The following NINJ2 variants were observed in gnomAD, a reference collection of about 807,000 sequenced individuals.
NINJ2 encodes the protein ninjurin 2.
In NINJ2, 12 loss-of-function variants were observed where a neutral mutation model predicts 11.7. The ratio of observed to expected loss-of-function variants is 1.02; its 90% confidence interval spans 0.66 to 1.66. The LOEUF (loss-of-function observed/expected upper bound fraction) is 1.66, where lower values mean the gene tolerates loss of function less well. Among genes scored for constraint, NINJ2 ranks in the 40% most tolerant of loss-of-function variants. The pLI, the probability that NINJ2 is intolerant of heterozygous loss-of-function variation, is 0.00. For synonymous variants in NINJ2, 93 were observed against 76.8 expected, an observed-to-expected ratio of 1.21 and a Z score of -1.10; for missense variants, 187 against 181.8, an observed-to-expected ratio of 1.03 and a Z score of -0.16.
intron 1 of NINJ2, among the ~76,000 whole-genome samples, chr12:662,409 CGAGAGAGAGAGA>C (rs111778018): frequency 6.8e-6 from 1 of 147,444 alleles, no homozygotes; most frequent in Non-Finnish European, 1.5e-5. Context: ...ACACAGAGAA[CGAGAGAGAGAGA>C]GAGAGAGAGA....
intron 1 of NINJ2, among the ~76,000 whole-genome samples, chr12:650,848 C>T (rs1182228039): frequency 2.0e-5 from 3 of 152,108 alleles, no homozygotes; most frequent in African/African-American, 4.8e-5. Flanking sequence ...GCTGAAGAAA[C>T]GGAAAAATCA....
At chr12:606,700 C>T (rs1254774072) in intron 1 of NINJ2, among the ~76,000 whole-genome samples, 1 of 152,136 alleles carries the variant, frequency 6.6e-6, no homozygotes, top group African/African-American at 2.4e-5. Flanking sequence ...CTAGCAATTG[C>T]GGGAAGACGG....
intron 1 of NINJ2, chr12:644,500 G>A (rs752908896): frequency 5.3e-5 from 8 of 152,214 alleles, no homozygotes; most frequent in Non-Finnish European, 1.0e-4. Flanking sequence ...GGAGGGAGGG[G>A]AGAATAGTGT....
rs1301598259 is a variant in NINJ2, at chr12:564,310, C to G, written c.*390G>C. 1 of 152,232 alleles carries G rather than the reference C, an allele frequency of 6.6e-6. No homozygotes were observed. The allele number at this position is 152,232 out of a possible 1,614,324, so 9.4% of individuals were successfully genotyped here. On this transcript the variant is annotated 3_prime_UTR_variant, in exon 4 of 4. Coordinates refer to ENST00000305108, the MANE Select transcript of NINJ2 (RefSeq NM_016533.6). ...GGACTCAAGAGTGGATTTGAAGAAACCTTTATAGATATAGATTCCATTTTA... is the reference window on the plus strand; with the variant it reads ...GGACTCAAGAGTGGATTTGAAGAAAGCTTTATAGATATAGATTCCATTTTA...
chr12:662,867 G>C (rs1437885873), intron 1 of NINJ2, among the ~76,000 whole-genome samples: 2 of 152,170 alleles, frequency 1.3e-5, no homozygotes, highest in Non-Finnish European at 2.9e-5. Flanking sequence ...GCTTTGTGAA[G>C]ACAGCCGAGA....
At chr12:565,682 G>A (rs909283547) in intron 2 of NINJ2, 10 of 616,298 alleles carry the variant, frequency 1.6e-5, no homozygotes, top group Admixed American at 1.3e-4. Flanking sequence ...GAGTGAGTGA[G>A]TTAGCAGTTA....
At chr12:575,466 AC>A (rs1171300872) in intron 1 of NINJ2, among the ~76,000 whole-genome samples, 4 of 151,958 alleles carry the variant, frequency 2.6e-5, no homozygotes, top group African/African-American at 9.7e-5. Context: ...TTCTTTCTTC[AC>A]CATGCTCCCC....
chr12:641,368 GCAGGTGGGTTC>G (rs1165653820), intron 1 of NINJ2, among the ~76,000 whole-genome samples: 4 of 147,648 alleles, frequency 2.7e-5, no homozygotes, highest in African/African-American at 1.0e-4. Flanking sequence ...ACCTTGATCT[GCAGGTGGGTTC>G]CAGTTGGAGA....
chr12:649,262 G>C (rs1937748418), intron 1 of NINJ2, among the ~76,000 whole-genome samples: 1 of 151,800 alleles, frequency 6.6e-6, no homozygotes, highest in Non-Finnish European at 1.5e-5. Context: ...GGCCAGACTG[G>C]TCTCAAACTC....
intron 1 of NINJ2, among the ~76,000 whole-genome samples, chr12:577,106 C>T (rs1013338491): frequency 6.6e-6 from 1 of 152,166 alleles, no homozygotes; most frequent in African/African-American, 2.4e-5. Flanking sequence ...TTCGCACCAT[C>T]GTAAGTGATA....
chr12:588,203 C>T (rs200351897), intron 1 of NINJ2, among the ~76,000 whole-genome samples: 10 of 148,952 alleles, frequency 6.7e-5, no homozygotes, highest in African/African-American at 1.0e-4. Flanking sequence ...ACGGAGGGGA[C>T]GGAAGGGACG....
intron 1 of NINJ2, among the ~76,000 whole-genome samples, chr12:598,552 G>C (rs906915757): frequency 1.3e-5 from 2 of 152,162 alleles, no homozygotes; most frequent in Admixed American, 6.5e-5. Flanking sequence ...AAGGGGGGGA[G>C]ACATTTAAAA....
At chr12:601,316 G>A (rs1233515711) in intron 1 of NINJ2, among the ~76,000 whole-genome samples, 3 of 152,020 alleles carry the variant, frequency 2.0e-5, no homozygotes, top group Admixed American at 6.5e-5. Flanking sequence ...GGAGGCTGAG[G>A]CGGGCGGATC....
chr12:591,951 C>T lies in NINJ2; in HGVS notation c.34-25773G>A, dbSNP rs372313055. 2.1e-4 allele frequency among the ~76,000 whole-genome samples: 32 copies of T among 152,198 alleles called. No homozygotes were observed. The East Asian group carries it at 5.2e-3, about 25-fold the overall frequency. On this transcript the variant is annotated intron_variant, in intron 1 of 3. Transcript: ENST00000305108. This position sits in a 1 kb window ranked among gnomAD's most constrained non-coding sequence, Gnocchi z 5.0. ...TTTTCCCGGGTCACTCCCTTTGCCC[C>T]TCCTGCTCTGCTCATCCTTCCAACT... is the stretch of plus-strand genomic sequence containing the variant.
At chr12:601,848 A>G (rs1281173882) in intron 1 of NINJ2, among the ~76,000 whole-genome samples, 1 of 152,252 alleles carries the variant, frequency 6.6e-6, no homozygotes, top group Non-Finnish European at 1.5e-5. Flanking sequence ...AGCCAAGATC[A>G]GCCTGAGCGA....
At chr12:603,588 G>A (rs1261102783) in intron 1 of NINJ2, among the ~76,000 whole-genome samples, 2 of 151,698 alleles carry the variant, frequency 1.3e-5, no homozygotes, top group Non-Finnish European at 2.9e-5. Flanking sequence ...CATGGTATGA[G>A]GTAAGAGTCC....
At chr12:601,439 A>G (rs4639990) in intron 1 of NINJ2, among the ~76,000 whole-genome samples, 115,910 of 150,532 alleles carry the variant, frequency 0.77, 44,813 homozygotes, top group Non-Finnish European at 0.81. Flanking sequence ...TCCCAGCTAC[A>G]GGGGAGGCTG....
At chr12:603,453 A>C (rs10849328) in intron 1 of NINJ2, among the ~76,000 whole-genome samples, 1 of 151,928 alleles carries the variant, frequency 6.6e-6, no homozygotes, top group African/African-American at 2.4e-5. Context: ...CCTCTGTTAC[A>C]GTGCTTTTGG....
chr12:648,126 G>A (rs1413392435), intron 1 of NINJ2, among the ~76,000 whole-genome samples: 1 of 152,158 alleles, frequency 6.6e-6, no homozygotes, highest in Non-Finnish European at 1.5e-5. Context: ...AGGCTGGAGT[G>A]CAATGGTGTG....
Sources: allele counts gnomAD v4.1 joint callset (sites outside exome capture counted in the v4.1 genomes callset), GRCh38; gene constraint gnomAD v4.1.1; non-coding constraint Gnocchi (gnomAD v3.1); transcripts MANE v1.5; gene names NCBI Gene and HGNC (gene_info 2026-07-23, HGNC 2026-07-21).